The following GPHN variants were observed in gnomAD, a reference collection of about 807,000 sequenced individuals.
The protein encoded by GPHN is gephyrin.
A neutral mutation model predicts 95.5 loss-of-function variants in GPHN; 17 were observed. That is an observed-to-expected ratio of 0.18 (90% CI 0.12 to 0.27). GPHN has a LOEUF of 0.27. Ranked by LOEUF, GPHN falls within the 10% of genes least tolerant of loss-of-function variation. The pLI, the probability that GPHN is intolerant of heterozygous loss-of-function variation, is 1.00. For synonymous variants in GPHN, 320 were observed against 322.5 expected, an observed-to-expected ratio of 0.99 and a Z score of 0.08; for missense variants, 660 against 978.1, an observed-to-expected ratio of 0.67 and a Z score of 4.34.
At chr14:67,733,363 C>A in the GPHN span, among the ~76,000 whole-genome samples, 4 of 152,124 alleles carry the variant, frequency 2.6e-5, no homozygotes, top group African/African-American at 9.7e-5. Flanking sequence ...TCTTCAATTA[C>A]GAATGTAGGC....
the GPHN span, chr14:67,569,856 G>A: frequency 9.7e-7 from 1 of 1,033,592 alleles, no homozygotes; most frequent in East Asian, 2.6e-5. Flanking sequence ...CCAGTTCTCT[G>A]CTTCCCCCAC....
chr14:67,648,828 C>A, the GPHN span: 7 of 152,178 alleles, frequency 4.6e-5, no homozygotes, highest in African/African-American at 1.7e-4. Flanking sequence ...CTTCAAATGA[C>A]CTTTCATTCC....
the GPHN span, among the ~76,000 whole-genome samples, chr14:67,600,549 A>G: frequency 1.3e-5 from 2 of 152,162 alleles, no homozygotes; most frequent in African/African-American, 2.4e-5. Context: ...CAGTGAGCGG[A>G]GATCATGCCC....
At chr14:67,173,928 C>T (rs2082744207) in intron 21 of GPHN, among the ~76,000 whole-genome samples, 1 of 151,904 alleles carries the variant, frequency 6.6e-6, no homozygotes, top group Non-Finnish European at 1.5e-5. Context: ...CAATAGAGAG[C>T]TTCAATAACA....
intron 1 of GPHN, among the ~76,000 whole-genome samples, chr14:66,562,802 C>T (rs1203879572): frequency 6.6e-6 from 1 of 152,060 alleles, no homozygotes; most frequent in Non-Finnish European, 1.5e-5. Context: ...GATAAAGTAT[C>T]AACTAAGAAT....
At chr14:67,601,109 C>G in the GPHN span, among the ~76,000 whole-genome samples, 1 of 152,152 alleles carries the variant, frequency 6.6e-6, no homozygotes, top group Non-Finnish European at 1.5e-5. Context: ...GTTGGCAATA[C>G]TATGCTGACT....
At chr14:67,364,739 TTAC>T in the GPHN span, 27 of 1,595,128 alleles carry the variant, frequency 1.7e-5, no homozygotes, top group African/African-American at 3.4e-4. Flanking sequence ...AACTGAATAC[TTAC>T]TTAATTCTTT....
chr14:67,531,036 T>G, the GPHN span, among the ~76,000 whole-genome samples: 2 of 152,164 alleles, frequency 1.3e-5, no homozygotes, highest in African/African-American at 4.8e-5. Flanking sequence ...ATCCTTCAAC[T>G]CAGGCACATG....
At chr14:67,003,001 A>T (rs1238285944) in intron 9 of GPHN, among the ~76,000 whole-genome samples, 1 of 151,488 alleles carries the variant, frequency 6.6e-6, no homozygotes, top group African/African-American at 2.4e-5. Flanking sequence ...TCTTTTTCCT[A>T]GTCATTGTAA....
At chr14:66,652,576 A>C (rs72726457) in intron 1 of GPHN, among the ~76,000 whole-genome samples, 8,783 of 151,472 alleles carry the variant, frequency 0.058, 355 homozygotes, top group Middle Eastern at 0.097. Context: ...CAAATTATGA[A>C]TTTACTTTTG....
chr14:67,220,458 G>C, the GPHN span, among the ~76,000 whole-genome samples: 1 of 150,858 alleles, frequency 6.6e-6, no homozygotes, highest in Non-Finnish European at 1.5e-5. Context: ...AAAAAAAAAA[G>C]GTAAATGATG....
At chr14:67,329,779 G>A in the GPHN span, among the ~76,000 whole-genome samples, 1 of 151,908 alleles carries the variant, frequency 6.6e-6, no homozygotes, top group East Asian at 1.9e-4. Context: ...CTACTGAAGA[G>A]GCCGAGTTCG....
chr14:67,088,946 T>G, intron 11 of GPHN, 37 bp from the exon 12 acceptor site: 1 of 1,181,250 alleles, frequency 8.5e-7, no homozygotes, highest in Non-Finnish European at 1.3e-6. Flanking sequence ...CCCATTGCTC[T>G]CCATATTTAC....
At chr14:67,176,675 C>T (rs1039074260) in intron 21 of GPHN, among the ~76,000 whole-genome samples, 15 of 152,106 alleles carry the variant, frequency 9.9e-5, no homozygotes, top group African/African-American at 3.6e-4. Context: ...TTGTACTTCT[C>T]ATAGAATTCG....
In GPHN at chr14:66,659,092, G is replaced by A. The variant is rs199673749; in HGVS notation, c.65-22015G>A. On this transcript the variant is annotated intron_variant, in intron 1 of 22. Coordinates refer to ENST00000478722, the MANE Select transcript of GPHN (RefSeq NM_020806.5). ...CACTTATTGCTATATTGTCCGTATAGCACTACTTTTCCTCTATTCCAAAAT... is the reference window on the plus strand; with the variant it reads ...CACTTATTGCTATATTGTCCGTATAACACTACTTTTCCTCTATTCCAAAAT... Among the ~76,000 whole-genome samples the A allele has an allele frequency of 2.6e-5, 4 of 151,876 alleles. No individual in the cohort carries two copies. The East Asian group carries it at 7.7e-4, about 29-fold the overall frequency.
At chr14:67,484,474 T>C in the GPHN span, among the ~76,000 whole-genome samples, 1 of 152,244 alleles carries the variant, frequency 6.6e-6, no homozygotes, top group African/African-American at 2.4e-5. Context: ...AAAAGCAACA[T>C]GTGCTCACAG....
the GPHN span, chr14:67,674,500 G>A: frequency 8.8e-6 from 14 of 1,584,708 alleles, no homozygotes; most frequent in African/African-American, 1.4e-5. Flanking sequence ...GGCGCAGGCC[G>A]CGCTGGAGCA....
chr14:67,382,687 T>G, the GPHN span: 1 of 1,401,920 alleles, frequency 7.1e-7, no homozygotes, highest in Non-Finnish European at 1.0e-6. Flanking sequence ...AATGTCATAT[T>G]GTAGGATGGT....
the GPHN span, among the ~76,000 whole-genome samples, chr14:67,420,895 G>T: frequency 2.1e-3 from 314 of 152,338 alleles, 1 homozygote; most frequent in African/African-American, 7.2e-3. Context: ...AACAATGATT[G>T]AGAGAGCAGG....
Sources: allele counts gnomAD v4.1 joint callset (sites outside exome capture counted in the v4.1 genomes callset), GRCh38; gene constraint gnomAD v4.1.1; transcripts MANE v1.5; gene names NCBI Gene and HGNC (gene_info 2026-07-23, HGNC 2026-07-21).